The following LOC400499 variants were observed in gnomAD, a reference collection of about 807,000 sequenced individuals.
the LOC400499 span, among the ~76,000 whole-genome samples, chr16:11,449,863 A>G: frequency 1.3e-5 from 2 of 152,212 alleles, no homozygotes; most frequent in East Asian, 3.9e-4. Context: ...TGGCATCTCC[A>G]GGATCTGGAC....
At chr16:11,459,448 G>A in the LOC400499 span, among the ~76,000 whole-genome samples, 2 of 151,820 alleles carry the variant, frequency 1.3e-5, no homozygotes, top group African/African-American at 2.4e-5. Context: ...CGCCCGCCTC[G>A]GCCTCCCAAA....
At chr16:11,518,373 C>A in the LOC400499 span, among the ~76,000 whole-genome samples, 1 of 152,072 alleles carries the variant, frequency 6.6e-6, no homozygotes, top group East Asian at 1.9e-4. Flanking sequence ...GGGAAACAAG[C>A]CACAGGGAGA....
At chr16:11,403,437 G>T in the LOC400499 span, among the ~76,000 whole-genome samples, 1 of 152,026 alleles carries the variant, frequency 6.6e-6, no homozygotes, top group Non-Finnish European at 1.5e-5. Context: ...ATGCACACAC[G>T]TGCATGTATA....
the LOC400499 span, chr16:11,508,702 G>C: frequency 5.0e-6 from 2 of 399,068 alleles, no homozygotes; most frequent in East Asian, 7.1e-5. Context: ...CCTGGGGCTG[G>C]AGAAGCCACT....
the LOC400499 span, chr16:11,390,111 G>T: frequency 2.4e-6 from 3 of 1,232,006 alleles, no homozygotes; most frequent in Admixed American, 4.2e-5. Context: ...TTACCTGGCC[G>T]ACAGGCTGTA....
the LOC400499 span, among the ~76,000 whole-genome samples, chr16:11,432,411 C>T: frequency 6.6e-6 from 1 of 152,154 alleles, no homozygotes; most frequent in East Asian, 1.9e-4. Context: ...CTTACAAAAG[C>T]CCTGTGAGTT....
At chr16:11,448,046 C>T in the LOC400499 span, 23 of 1,535,624 alleles carry the variant, frequency 1.5e-5, no homozygotes, top group East Asian at 5.4e-4. Context: ...ATCCGCACAG[C>T]CGTGAGCGAC....
At chr16:11,472,142 G>A in the LOC400499 span, 1 of 228,892 alleles carries the variant, frequency 4.4e-6, no homozygotes, top group Non-Finnish European at 8.4e-6. Context: ...ATTACCAAAT[G>A]TCTCCTGGGG....
chr16:11,480,027 C>T, the LOC400499 span, among the ~76,000 whole-genome samples: 1 of 152,096 alleles, frequency 6.6e-6, no homozygotes, highest in Non-Finnish European at 1.5e-5. Flanking sequence ...CATTGGGCTG[C>T]CCACCCTCCC....
chr16:11,420,701 C>T, the LOC400499 span, among the ~76,000 whole-genome samples: 1 of 148,832 alleles, frequency 6.7e-6, no homozygotes, highest in Admixed American at 6.8e-5. Flanking sequence ...GGATGACAGA[C>T]GGGGAGAGGG....
the LOC400499 span, chr16:11,402,313 C>G: frequency 2.2e-4 from 86 of 396,748 alleles, no homozygotes; most frequent in African/African-American, 1.5e-3. Flanking sequence ...TCACAAAACT[C>G]AGAAGCTACA....
the LOC400499 span, chr16:11,425,094 G>C: frequency 2.5e-6 from 1 of 398,876 alleles, no homozygotes; most frequent in African/African-American, 2.1e-5. Flanking sequence ...AGTCTTGGAG[G>C]AAGCTGTTCT....
the LOC400499 span, chr16:11,424,239 A>G: frequency 1.5e-5 from 6 of 399,054 alleles, no homozygotes; most frequent in African/African-American, 1.0e-4. Context: ...CTCCAGGCCA[A>G]TGGCACCGTC....
At chr16:11,400,096 T>G in the LOC400499 span, among the ~76,000 whole-genome samples, 1 of 146,748 alleles carries the variant, frequency 6.8e-6, no homozygotes, top group African/African-American at 2.5e-5. Flanking sequence ...ACACCCAGAC[T>G]CAGCATTTCC....
At chr16:11,446,679 G>T in the LOC400499 span, 15 of 1,533,122 alleles carry the variant, frequency 9.8e-6, no homozygotes, top group Middle Eastern at 1.7e-4. Flanking sequence ...CATGCAGGGA[G>T]TGAGGAGGCA....
the LOC400499 span, among the ~76,000 whole-genome samples, chr16:11,389,709 A>AG: frequency 3.3e-5 from 5 of 150,446 alleles, no homozygotes; most frequent in Admixed American, 6.6e-5. Context: ...AAAAAAAAAA[A>AG]GATTACAAAA....
At chr16:11,374,182 T>G in the LOC400499 span, among the ~76,000 whole-genome samples, 2 of 152,240 alleles carry the variant, frequency 1.3e-5, no homozygotes, top group Non-Finnish European at 2.9e-5. Flanking sequence ...TGGGTCTGTG[T>G]CTATTGCCTG....
chr16:11,425,740 C>G, the LOC400499 span, among the ~76,000 whole-genome samples: 2 of 152,184 alleles, frequency 1.3e-5, no homozygotes, highest in African/African-American at 4.8e-5. Context: ...AAAGAACGCT[C>G]CAGACGTCTT....
the LOC400499 span, among the ~76,000 whole-genome samples, chr16:11,487,551 G>C: frequency 6.6e-6 from 1 of 152,208 alleles, no homozygotes; most frequent in Middle Eastern, 3.4e-3. Context: ...AAGAACAGAG[G>C]GAGTCCAGGA....
Sources: gnomAD v4.1 joint callset for allele counts (sites outside exome capture counted in the v4.1 genomes callset) on GRCh38, gnomAD v4.1.1 for gene constraint, MANE v1.5 for transcripts.